MDGA2: variants seen among roughly 807,000 people sequenced by gnomAD.
MDGA2 encodes MAM domain containing glycosylphosphatidylinositol anchor 2, also known as MAM domain-containing glycosylphosphatidylinositol anchor protein 2.
In MDGA2, 40 loss-of-function variants were observed where a neutral mutation model predicts 117.8. The observed-to-expected ratio is 0.34, with a 90% CI of 0.26 to 0.44. The LOEUF (loss-of-function observed/expected upper bound fraction) is 0.44. Ranked by LOEUF, MDGA2 falls within the 20% of genes least tolerant of loss-of-function variation. The pLI is 1.00. For missense variants in MDGA2, 1,123 were observed against 1,250.6 expected, an observed-to-expected ratio of 0.90 and a Z score of 1.54; for synonymous variants, 452 against 439.0, an observed-to-expected ratio of 1.03 and a Z score of -0.37.
At chr14:47,362,622 T>TATCTTATATA (rs1312681863) in intron 1 of MDGA2, among the ~76,000 whole-genome samples, 54 of 152,294 alleles carry the variant, frequency 3.5e-4, no homozygotes, top group African/African-American at 1.2e-3. Flanking sequence ...GATTATAAAG[T>TATCTTATATA]TATTAGGTAA....
At chr14:47,508,432 T>C (rs916935818) in intron 1 of MDGA2, among the ~76,000 whole-genome samples, 1 of 151,600 alleles carries the variant, frequency 6.6e-6, no homozygotes, top group Non-Finnish European at 1.5e-5. Context: ...TTTAAAAATA[T>C]GAATGAGAAA....
At chr14:47,046,911 T>C (rs1216889353) in intron 7 of MDGA2, among the ~76,000 whole-genome samples, 1 of 152,158 alleles carries the variant, frequency 6.6e-6, no homozygotes, top group Non-Finnish European at 1.5e-5. Flanking sequence ...TGCGTTATCC[T>C]TTAAATTAAT....
chr14:46,961,841 A>G (rs1410693260), intron 8 of MDGA2, among the ~76,000 whole-genome samples: 1 of 151,954 alleles, frequency 6.6e-6, no homozygotes, highest in Non-Finnish European at 1.5e-5. Flanking sequence ...ACGGGGTTTC[A>G]CCATGTTAGC....
chr14:47,625,412 T>C (rs1897123608), intron 1 of MDGA2, among the ~76,000 whole-genome samples: 1 of 152,346 alleles, frequency 6.6e-6, no homozygotes, highest in East Asian at 1.9e-4. Context: ...TTATATTAAA[T>C]TGTACCTGCT....
chr14:47,045,545 A>G (rs2138697665), intron 7 of MDGA2, among the ~76,000 whole-genome samples: 1 of 152,318 alleles, frequency 6.6e-6, no homozygotes, highest in African/African-American at 2.4e-5. Flanking sequence ...AACTAAGTAA[A>G]CAGGAGCAAG....
chr14:46,997,393 A>G (rs1887334988), intron 8 of MDGA2, among the ~76,000 whole-genome samples: 1 of 152,206 alleles, frequency 6.6e-6, no homozygotes, highest in Non-Finnish European at 1.5e-5. Context: ...AGATGTATAT[A>G]CTAGGGCAGA....
At chr14:47,265,637 T>C (rs1172178834) in intron 2 of MDGA2, among the ~76,000 whole-genome samples, 4 of 139,294 alleles carry the variant, frequency 2.9e-5, no homozygotes, top group African/African-American at 7.8e-5. Context: ...TGGGAATGCA[T>C]TAAAAAAAAA....
intron 6 of MDGA2, among the ~76,000 whole-genome samples, chr14:47,085,020 T>G (rs574053090): frequency 6.6e-6 from 1 of 152,138 alleles, no homozygotes; most frequent in Non-Finnish European, 1.5e-5. Context: ...AAAACCCATG[T>G]GTTTGAAACT....
chr14:47,378,050 G>A (rs776879313), intron 1 of MDGA2, among the ~76,000 whole-genome samples: 5 of 152,122 alleles, frequency 3.3e-5, no homozygotes, highest in Non-Finnish European at 7.4e-5. Flanking sequence ...TTGCCGTTCT[G>A]CCATGTTTGC....
intron 8 of MDGA2, among the ~76,000 whole-genome samples, chr14:47,015,251 A>G (rs1369823769): frequency 1.3e-5 from 2 of 152,118 alleles, no homozygotes; most frequent in Non-Finnish European, 2.9e-5. Flanking sequence ...TATAATAATA[A>G]TAAAAAAGTT....
intron 8 of MDGA2, among the ~76,000 whole-genome samples, chr14:46,958,330 C>T (rs1004457403): frequency 1.3e-5 from 2 of 151,928 alleles, no homozygotes; most frequent in Non-Finnish European, 2.9e-5. Flanking sequence ...GATGGATTAG[C>T]ATAGCTGATG....
intron 10 of MDGA2, among the ~76,000 whole-genome samples, chr14:46,890,990 T>C (rs949091898): frequency 7.2e-5 from 11 of 152,166 alleles, no homozygotes; most frequent in Admixed American, 5.9e-4. Context: ...AGTTCTTTAG[T>C]AACTTGAAAA....
At chr14:47,280,146 CT>C (rs1888430643) in intron 2 of MDGA2, among the ~76,000 whole-genome samples, 1 of 151,626 alleles carries the variant, frequency 6.6e-6, no homozygotes, top group Non-Finnish European at 1.5e-5. Flanking sequence ...GAAACCCCGT[CT>C]CTATTAAAAA....
chr14:47,538,132 A>G (rs1229425020), intron 1 of MDGA2, among the ~76,000 whole-genome samples: 2 of 152,226 alleles, frequency 1.3e-5, no homozygotes, highest in African/African-American at 4.8e-5. Context: ...TAAAAGAAGC[A>G]GTAGTTAAAC....
chr14:47,258,486 C>T (rs762641493), intron 2 of MDGA2, among the ~76,000 whole-genome samples: 29 of 152,118 alleles, frequency 1.9e-4, no homozygotes, highest in Non-Finnish European at 3.4e-4. Flanking sequence ...AAACTCGCCC[C>T]ATGATCAAAT....
chr14:47,086,713 C>A (rs2138921981), intron 6 of MDGA2, among the ~76,000 whole-genome samples: 1 of 152,100 alleles, frequency 6.6e-6, no homozygotes, highest in African/African-American at 2.4e-5. Flanking sequence ...TCCTGGGCAG[C>A]AAATGAAAGA....
intron 1 of MDGA2, among the ~76,000 whole-genome samples, chr14:47,653,923 G>T (rs1459068043): frequency 3.9e-5 from 6 of 152,166 alleles, no homozygotes; most frequent in African/African-American, 1.4e-4. Context: ...CTTTCAAAAA[G>T]AAGTGCAGCT....
At chr14:47,446,186 G>A (rs934562930) in intron 1 of MDGA2, among the ~76,000 whole-genome samples, 4 of 152,156 alleles carry the variant, frequency 2.6e-5, no homozygotes, top group Non-Finnish European at 5.9e-5. Flanking sequence ...ACATGAAGAT[G>A]TGTATGAGTA....
intron 3 of MDGA2, among the ~76,000 whole-genome samples, chr14:47,161,241 T>C (rs1346567049): frequency 3.9e-5 from 6 of 152,098 alleles, no homozygotes; most frequent in Non-Finnish European, 8.8e-5. Flanking sequence ...CATTACTTTT[T>C]AAAAAAATAA....
Sources: allele counts gnomAD v4.1 joint callset (sites outside exome capture counted in the v4.1 genomes callset), GRCh38; gene constraint gnomAD v4.1.1; transcripts MANE v1.5; gene names NCBI Gene and HGNC (gene_info 2026-07-23, HGNC 2026-07-21).